The following SLC44A3 variants were observed in gnomAD, a reference collection of about 807,000 sequenced individuals.
SLC44A3 encodes choline transporter-like protein 3.
Under a neutral mutation model 75.4 loss-of-function variants are expected in SLC44A3, and 74 were observed. That is an observed-to-expected ratio of 0.98 (90% CI 0.81 to 1.19). The LOEUF (loss-of-function observed/expected upper bound fraction) is 1.19, where lower values mean the gene tolerates loss of function less well. SLC44A3 is among the 50% of genes most tolerant of loss of function. SLC44A3 has a pLI of 0.00. For missense variants in SLC44A3, 700 were observed against 778.6 expected, an observed-to-expected ratio of 0.90 and a Z score of 1.20; for synonymous variants, 310 against 296.9, an observed-to-expected ratio of 1.04 and a Z score of -0.45.
chr1:94,888,761 G>A lies in SLC44A3; in HGVS notation c.1483-2369G>A, dbSNP rs149774913. The A allele has an allele frequency of 2.5e-3, 2,241 of 899,724 alleles. 48 individuals carry two copies. The African/African-American group carries it at 0.046, about 18-fold the overall frequency. The allele number at this position is 899,724 out of a possible 1,614,324, so 55.7% of individuals were successfully genotyped here. A position where few individuals can be genotyped will look rare whatever the true frequency, so the allele number is the denominator to read the frequency against. The stretch of plus-strand genomic sequence containing the variant: ...TCTTTTTTTTTTGAGGCGGAGTCTC[G>A]CTCTGTCACCCAGGTTGGAGTGCAG... On this transcript the variant is annotated intron_variant, in intron 12 of 14. Transcript: ENST00000271227.
At chr1:94,891,016 G>A (rs1461912134) in intron 12 of SLC44A3, 114 bp from the exon 13 acceptor site, 12 of 810,284 alleles carry the variant, frequency 1.5e-5, no homozygotes, top group East Asian at 2.6e-5. Context: ...ATTTGTTATG[G>A]GTAGAGAGAG....
chr1:94,885,182 G>A (rs557515804), intron 12 of SLC44A3, among the ~76,000 whole-genome samples: 1 of 121,400 alleles, frequency 8.2e-6, no homozygotes, highest in Admixed American at 1.2e-4. Flanking sequence ...ATACAATCGC[G>A]CCATTGCACT....
chr1:94,824,495 G>C lies in SLC44A3; in HGVS notation c.138G>C (p.Val46=). The C allele has an allele frequency of 6.3e-7, 1 of 1,596,220 alleles. No homozygotes were observed. The highest frequency in any genetic ancestry group is 8.5e-7 in the Non-Finnish European group (1 of 1,174,124). Residue 46 remains valine (V), a splice_region_variant and synonymous_variant, in exon 3 of 15, where the codon GTG becomes GTC. Coordinates refer to ENST00000271227, the MANE Select transcript of SLC44A3 (RefSeq NM_001114106.3). ...FLFFLFWTGL[V]FIMGYSVVAG... is the part of the protein sequence containing the mutation. Reference sequence around the variant, plus strand: ...TCATATGCCCCCGTTTTTGCCAGGTGTTTATCATGGGCTACTCGGTGGTGG... The same window carrying C: ...TCATATGCCCCCGTTTTTGCCAGGTCTTTATCATGGGCTACTCGGTGGTGG...
In SLC44A3 at chr1:94,821,033, T is replaced by A; in HGVS notation, c.112T>A (p.Phe38Ile). ...KCTDTAWLFL[F>I]FLFWTGLVFI... ...CACAGATACGGCATGGTTATTCCTGTTCTTTCTCTTTTGGACTGGTTTGGT... is the reference window on the plus strand; with the variant it reads ...CACAGATACGGCATGGTTATTCCTGATCTTTCTCTTTTGGACTGGTTTGGT... The change falls in exon 2 of 15, where the codon TTC becomes ATC. Residue 38 changes from phenylalanine to isoleucine, a missense_variant. Phe to Ile is a conservative substitution (Grantham distance 21). Transcript: ENST00000271227. 1.3e-6 allele frequency: 2 copies of A among 1,551,490 alleles called. No homozygotes were observed. The highest frequency in any genetic ancestry group is 1.7e-6 in the Non-Finnish European group (2 of 1,146,838).
Position 94,845,382 on chromosome 1 carries a change from G to A in SLC44A3, c.990G>A (p.Leu330=). ...CCATCAGCAGTGCTCCCTTCCTGCT[G>A]TTCCAGCCACTGTGGACATTTGCCA... ...NKAISSAPFL[L]FQPLWTFAIL... The change falls in exon 9 of 15, where the codon CTG becomes CTA. Residue 330 remains leucine, a synonymous_variant. Coordinates refer to ENST00000271227, the MANE Select transcript of SLC44A3 (RefSeq NM_001114106.3). 5.6e-6 allele frequency: 9 copies of A among 1,614,110 alleles called. No individual in the cohort carries two copies. Among genetic ancestry groups the A allele is most frequent in the South Asian group, 1.1e-5 (1 of 91,080 alleles).
At chr1:94,835,852 C>T (rs1159009203) in intron 5 of SLC44A3, among the ~76,000 whole-genome samples, 1 of 152,214 alleles carries the variant, frequency 6.6e-6, no homozygotes, top group Non-Finnish European at 1.5e-5. Context: ...AAATGTACTT[C>T]GGTAGCTCAA....
At chr1:94,878,443 GCCT>G (rs1232192624) in intron 12 of SLC44A3, among the ~76,000 whole-genome samples, 9 of 152,082 alleles carry the variant, frequency 5.9e-5, no homozygotes, top group Non-Finnish European at 1.5e-5. Context: ...GGTTCATGCT[GCCT>G]TCACACAGCT....
intron 14 of SLC44A3, among the ~76,000 whole-genome samples, chr1:94,892,804 C>G (rs1332613772): frequency 1.3e-5 from 2 of 152,200 alleles, no homozygotes; most frequent in East Asian, 1.9e-4. Context: ...AGAAGATGTC[C>G]TGAACACAGT....
chr1:94,840,934 C>G (rs188539244), intron 7 of SLC44A3, among the ~76,000 whole-genome samples: 38 of 152,272 alleles, frequency 2.5e-4, no homozygotes, highest in Middle Eastern at 3.4e-3. Flanking sequence ...AGGCAGCAGC[C>G]ATTTACCAAC....
rs145386068 is a variant in SLC44A3, at chr1:94,849,975, T to G, written c.1072+4511T>G. Among the ~76,000 whole-genome samples the G allele has an allele frequency of 3.7e-3, 556 of 152,248 alleles. 5 individuals carry two copies. The highest frequency in any genetic ancestry group is 0.013 in the African/African-American group (540 of 41,552). On this transcript the variant is annotated intron_variant, in intron 9 of 14. Transcript: ENST00000271227. ...GTTGCCCAGGTTGGTCTAGAAATCCTGGGCTCAAGCAATCCACCTGCTTTG... is the reference window on the plus strand; with the variant it reads ...GTTGCCCAGGTTGGTCTAGAAATCCGGGGCTCAAGCAATCCACCTGCTTTG...
chr1:94,830,685 A>T (rs933319302), intron 5 of SLC44A3, among the ~76,000 whole-genome samples: 10 of 152,280 alleles, frequency 6.6e-5, no homozygotes, highest in African/African-American at 2.4e-4. Flanking sequence ...GCACTTGGAG[A>T]GGAGGACTTT....
chr1:94,864,939 G>T (rs1321739341), intron 11 of SLC44A3, 40 bp downstream of exon 11: 1 of 1,594,256 alleles, frequency 6.3e-7, no homozygotes, highest in Non-Finnish European at 8.5e-7. Context: ...TCTGTGTTTG[G>T]GTTGCCAGAA....
At position 94,863,132 on chromosome 1, in the gene SLC44A3, A is replaced by G. The variant is rs116510755; in HGVS notation, c.1239-1611A>G. On this transcript the variant is annotated intron_variant, in intron 10 of 14. Coordinates refer to ENST00000271227, the MANE Select transcript of SLC44A3 (RefSeq NM_001114106.3). ...GTATTGAGTGACTCCTGGCTCCAAG[A>G]GCTGGCTTGGGTTGAAAGGGCCCTC... Among the ~76,000 whole-genome samples, 1,070 of 152,140 alleles carry G rather than the reference A, an allele frequency of 7.0e-3. 10 individuals carry two copies. The highest frequency in any genetic ancestry group is 0.025 in the African/African-American group (1,028 of 41,482).
Position 94,892,327 on chromosome 1 carries a change from A to G in SLC44A3, c.1667A>G (p.Asn556Ser), listed in dbSNP as rs1670307182. 3 of 1,614,228 alleles carry G rather than the reference A, an allele frequency of 1.9e-6. No individual in the cohort carries two copies. The highest frequency in any genetic ancestry group is 2.5e-6 in the Non-Finnish European group (3 of 1,180,046). ...FTVFGGLMAF[N>S]YNRAFQVWAV... is the part of the protein sequence containing the mutation. ...GTTTTTGGAGGACTCATGGCTTTTA[A>G]CTACAATCGGGCATTCCAGGTGTGG... The change falls in exon 14 of 15, where the codon AAC (asparagine) becomes AGC (serine). Residue 556 changes from asparagine to serine, a missense_variant. Asn to Ser is a conservative substitution (Grantham distance 46). Transcript: ENST00000271227.
intron 13 of SLC44A3, among the ~76,000 whole-genome samples, chr1:94,891,745 A>G (rs1167707499): frequency 6.6e-6 from 1 of 152,160 alleles, no homozygotes; most frequent in East Asian, 1.9e-4. Context: ...CAACATGGGA[A>G]AACCCCGTCT....
At chr1:94,851,758 G>C (rs1366525157) in intron 9 of SLC44A3, among the ~76,000 whole-genome samples, 3 of 152,218 alleles carry the variant, frequency 2.0e-5, no homozygotes, top group African/African-American at 7.2e-5. Flanking sequence ...TCAGCAGGCT[G>C]GGGCTGGCAG....
chr1:94,851,270 TCTTTCAACAA>T (rs1158614777), intron 9 of SLC44A3, among the ~76,000 whole-genome samples: 2 of 152,226 alleles, frequency 1.3e-5, no homozygotes, highest in Non-Finnish European at 2.9e-5. Context: ...TATTCTTCAT[TCTTTCAACAA>T]CTATTTATCT....
At chr1:94,850,700 G>A (rs1665112383) in intron 9 of SLC44A3, among the ~76,000 whole-genome samples, 1 of 152,192 alleles carries the variant, frequency 6.6e-6, no homozygotes, top group South Asian at 2.1e-4. Context: ...TCACAAGGAT[G>A]TTAGGAGGCT....
intron 5 of SLC44A3, 78 bp from the exon 6 acceptor site, chr1:94,837,633 T>G: frequency 1.4e-6 from 2 of 1,408,818 alleles, no homozygotes; most frequent in Non-Finnish European, 9.4e-7. Context: ...TTTTTGGTTA[T>G]TGAGAATGTT....
Sources: allele counts gnomAD v4.1 joint callset (sites outside exome capture counted in the v4.1 genomes callset), GRCh38; gene constraint gnomAD v4.1.1; transcripts MANE v1.5; gene names NCBI Gene and HGNC (gene_info 2026-07-23, HGNC 2026-07-21).